The following PSMD14 variants were observed in gnomAD, a reference collection of about 807,000 sequenced individuals.
PSMD14 encodes ubiquitin C-terminal hydrolase PSMD14.
In PSMD14, 7 loss-of-function variants were observed where a neutral mutation model predicts 41.2. The observed-to-expected ratio is 0.17, with a 90% CI of 0.10 to 0.32. The LOEUF is 0.32. PSMD14 is among the 10% of genes least tolerant of loss of function. The pLI, the probability that PSMD14 is intolerant of heterozygous loss-of-function variation, is 1.00. For synonymous variants in PSMD14, 114 were observed against 122.3 expected (o/e 0.93, Z 0.45); for missense variants, 139 against 375.6 (o/e 0.37, Z 5.21).
chr2:161,383,364 A>G (rs1238330644), intron 7 of PSMD14: 2 of 152,096 alleles, frequency 1.3e-5, no homozygotes, highest in Admixed American at 6.6e-5. Context: ...TCTATAGGCC[A>G]TCATTGCTAC....
At chr2:161,333,510 G>GT (rs1331081660) in intron 3 of PSMD14, among the ~76,000 whole-genome samples, 3 of 152,248 alleles carry the variant, frequency 2.0e-5, no homozygotes, top group Non-Finnish European at 4.4e-5. Flanking sequence ...TTGGGCAGTG[G>GT]TAAAAACCCA....
At position 161,395,126 on chromosome 2, in the gene PSMD14, C is replaced by G; in HGVS notation, c.694C>G (p.Gln232Glu). 1 of 1,597,490 alleles carries G rather than the reference C, an allele frequency of 6.3e-7. No individual in the cohort carries two copies. ...GAGTTGGATGGAAGGTTTGACACTT[C>G]AGGACTACAGTGAACATTGTAAACA... is the stretch of plus-strand genomic sequence containing the variant. The part of the protein sequence containing the change: ...KKSWMEGLTL[Q>E]DYSEHCKHNE... The change falls in exon 10 of 12, where the codon CAG (glutamine) becomes GAG (glutamate). Residue 232 changes from glutamine to glutamate, a missense_variant. Physicochemically the swap from Gln to Glu is conservative, Grantham distance 29. Transcript: ENST00000409682.
At chr2:161,410,180 A>G (rs115209301) in intron 11 of PSMD14, among the ~76,000 whole-genome samples, 1,529 of 152,216 alleles carry the variant, frequency 0.01, 26 homozygotes, top group African/African-American at 0.034. Context: ...AATTAAACCA[A>G]TATCTTTTTT....
At chr2:161,338,626 G>A (rs1031876463) in intron 3 of PSMD14, among the ~76,000 whole-genome samples, 1 of 152,060 alleles carries the variant, frequency 6.6e-6, no homozygotes, top group South Asian at 2.1e-4. Context: ...AGTATTTATA[G>A]GCCTTTTGTA....
In PSMD14 at chr2:161,357,202, A is replaced by G. The variant is rs574182143; in HGVS notation, c.49-10276A>G. On this transcript the variant is annotated intron_variant, in intron 3 of 11. Coordinates refer to ENST00000409682, the MANE Select transcript of PSMD14 (RefSeq NM_005805.6). ...TCCACCTCATGCCTCAGTTAATTTA[A>G]CCACATTTAAAATTTGTAAACCTGG... Among the ~76,000 whole-genome samples, 4 of 151,578 alleles carry G rather than the reference A, an allele frequency of 2.6e-5. No homozygotes were observed. In the East Asian group the frequency reaches 7.7e-4, roughly 29 times the overall value.
At chr2:161,331,369 TCTC>T (rs1331133929) in intron 3 of PSMD14, among the ~76,000 whole-genome samples, 1 of 152,070 alleles carries the variant, frequency 6.6e-6, no homozygotes, top group Non-Finnish European at 1.5e-5. Context: ...TTCAAGCGGT[TCTC>T]CTGCCTCAGC....
intron 8 of PSMD14, among the ~76,000 whole-genome samples, chr2:161,389,981 C>T (rs1683691830): frequency 7.2e-6 from 1 of 138,946 alleles, no homozygotes; most frequent in South Asian, 2.4e-4. Context: ...TCTCCTGCCT[C>T]AGCCTCCCAG....
chr2:161,337,662 G>C (rs987462951), intron 3 of PSMD14, among the ~76,000 whole-genome samples: 1 of 152,154 alleles, frequency 6.6e-6, no homozygotes, highest in Non-Finnish European at 1.5e-5. Context: ...TTAGTTTATG[G>C]TGACGGTCCC....
At chr2:161,340,277 G>A (rs1417447143) in intron 3 of PSMD14, among the ~76,000 whole-genome samples, 1 of 152,114 alleles carries the variant, frequency 6.6e-6, no homozygotes, top group Non-Finnish European at 1.5e-5. Flanking sequence ...TCTCACCCCC[G>A]ACAACCAAGC....
intron 3 of PSMD14, among the ~76,000 whole-genome samples, chr2:161,338,231 T>C (rs1335419716): frequency 6.6e-6 from 1 of 152,186 alleles, no homozygotes; most frequent in African/African-American, 2.4e-5. Flanking sequence ...TATTTAGAGC[T>C]ATAAATTACG....
chr2:161,324,633 CT>C (rs553134295), intron 3 of PSMD14, among the ~76,000 whole-genome samples: 418 of 131,530 alleles, frequency 3.2e-3, no homozygotes, highest in East Asian at 4.6e-3. Flanking sequence ...TTCTTTCTTT[CT>C]TTTTTTTTTT....
chr2:161,356,326 T>C lies in PSMD14; in HGVS notation c.49-11152T>C, dbSNP rs1038571062. On this transcript the variant is annotated intron_variant, in intron 3 of 11. Transcript: ENST00000409682. ...ACATGCAGCTTGTTTTTCACACTAG[T>C]TGTTTAATACAAAATTAAAGTATTA... 7.9e-5 allele frequency among the ~76,000 whole-genome samples: 12 copies of C among 152,196 alleles called. 1 individual carries two copies. Among genetic ancestry groups the C allele is most frequent in the Admixed American group, 7.2e-4 (11 of 15,276 alleles).
intron 3 of PSMD14, among the ~76,000 whole-genome samples, chr2:161,330,471 C>G (rs1682772122): frequency 6.6e-6 from 1 of 152,200 alleles, no homozygotes; most frequent in Admixed American, 6.5e-5. Flanking sequence ...GGTTACATTG[C>G]TATTTGGCAC....
chr2:161,406,527 A>G (rs1226191933), intron 10 of PSMD14, among the ~76,000 whole-genome samples: 2 of 152,168 alleles, frequency 1.3e-5, no homozygotes, highest in African/African-American at 4.8e-5. Flanking sequence ...TTTTCCTGGT[A>G]ACTAGCCAGA....
At chr2:161,311,166 G>A (rs553802923) in intron 1 of PSMD14, among the ~76,000 whole-genome samples, 90 of 152,138 alleles carry the variant, frequency 5.9e-4, no homozygotes, top group African/African-American at 2.1e-3. Context: ...AAAATTAGCC[G>A]GGCATGGGGG....
intron 2 of PSMD14, 122 bp from the exon 3 acceptor site, chr2:161,318,697 ATGT>A: frequency 1.4e-6 from 1 of 700,412 alleles, no homozygotes; most frequent in South Asian, 1.6e-5. Context: ...AGGAAGTCTG[ATGT>A]TGTGTTGTAA....
At chr2:161,372,825 T>C (rs1357747543) in intron 7 of PSMD14, among the ~76,000 whole-genome samples, 2 of 151,924 alleles carry the variant, frequency 1.3e-5, no homozygotes, top group African/African-American at 4.8e-5. Context: ...AATTATCTAA[T>C]AAAGTCCCCT....
Position 161,391,183 on chromosome 2 carries a change from G to C in PSMD14, c.645+5G>C. 1 of 1,507,446 alleles carries C rather than the reference G, an allele frequency of 6.6e-7. No homozygotes were observed. The highest frequency in any genetic ancestry group is 8.9e-7 in the Non-Finnish European group (1 of 1,126,480). The allele number at this position is 1,507,446 out of a possible 1,614,324, so 93.4% of individuals were successfully genotyped here. ...AAAAATGAACTGGAACAGAAGGTAA[G>C]TTTAAATTTTTATCTTATAGGAGGA... On this transcript the variant is annotated splice_donor_5th_base_variant and intron_variant, in intron 9 of 11. Transcript: ENST00000409682.
rs1285062485 is a variant in PSMD14 at position 161,365,829 on chromosome 2, T to C, written c.49-1649T>C. Among the ~76,000 whole-genome samples the C allele has an allele frequency of 6.6e-5, 10 of 152,146 alleles. No homozygotes were observed. In the East Asian group the frequency reaches 1.9e-3, roughly 29 times the overall value. On this transcript the variant is annotated intron_variant, in intron 3 of 11. Transcript: ENST00000409682. ...ATTTAAAGTCGTCTTTTAACTATTT[T>C]GAAATATACATTATTATTAACTGTA...
Sources: allele counts gnomAD v4.1 joint callset (sites outside exome capture counted in the v4.1 genomes callset), GRCh38; gene constraint gnomAD v4.1.1; transcripts MANE v1.5; gene names NCBI Gene and HGNC (gene_info 2026-07-23, HGNC 2026-07-21).